BTBD2: variants seen among roughly 807,000 people sequenced by gnomAD.
The protein encoded by BTBD2 is BTB/POZ domain-containing protein 2.
BTBD2 carries 15 observed loss-of-function variants against 44.0 expected under a neutral mutation model. The observed-to-expected ratio is 0.34, with a 90% CI of 0.23 to 0.53. The LOEUF (loss-of-function observed/expected upper bound fraction) is 0.53. Among genes scored for constraint, BTBD2 ranks in the 20% least tolerant of loss-of-function variants. The pLI, the probability that BTBD2 is intolerant of heterozygous loss-of-function variation, is 0.95. For synonymous variants in BTBD2, 443 were observed against 335.9 expected, an observed-to-expected ratio of 1.32 and a Z score of -3.49; for missense variants, 657 against 746.4, an observed-to-expected ratio of 0.88 and a Z score of 1.39.
chr19:2,011,277 C>G (rs900516249), intron 1 of BTBD2, among the ~76,000 whole-genome samples: 1 of 152,152 alleles, frequency 6.6e-6, no homozygotes, highest in Non-Finnish European at 1.5e-5. Context: ...AGAGGACCTG[C>G]ATCCTCTACC....
chr19:2,008,632 C>G (rs925055698), intron 1 of BTBD2, among the ~76,000 whole-genome samples: 4 of 144,532 alleles, frequency 2.8e-5, no homozygotes, highest in Non-Finnish European at 6.0e-5. Context: ...CACTCTATCG[C>G]CCAGGATGGA....
chr19:1,989,868 G>T, intron 5 of BTBD2, 136 bp downstream of exon 5: 1 of 1,031,996 alleles, frequency 9.7e-7, no homozygotes, highest in South Asian at 1.6e-5. Flanking sequence ...CACAAGCCAG[G>T]TTTCTTCCTA....
rs1188610551 is a variant in BTBD2, at chr19:1,986,706, T to G, written c.1417-57A>C. On this transcript the variant is annotated intron_variant, in intron 8 of 8. Transcript: ENST00000255608. The stretch of plus-strand genomic sequence containing the variant: ...GACCACCAGGCTGGGATGCCCCAGG[T>G]GTGGACAGGGCAAGGCCCCGACTGG... The G allele has an allele frequency of 2.9e-5, 46 of 1,599,130 alleles. 1 individual carries two copies. The South Asian group carries it at 5.1e-4, about 18-fold the overall frequency.
chr19:2,007,725 C>T (rs556699839), intron 1 of BTBD2, among the ~76,000 whole-genome samples: 101 of 152,250 alleles, frequency 6.6e-4, no homozygotes, highest in African/African-American at 2.4e-3. Flanking sequence ...ACTCGGGAGG[C>T]TGAGGCAAGA....
Position 1,986,387 on chromosome 19 carries a change from A to G in BTBD2, c.*101T>C. 1 of 1,440,560 alleles carries G rather than the reference A, an allele frequency of 6.9e-7. No homozygotes were observed. Among genetic ancestry groups the G allele is most frequent in the Non-Finnish European group, 9.6e-7 (1 of 1,040,536 alleles). The allele number at this position is 1,440,560 out of a possible 1,614,324, so 89.2% of individuals were successfully genotyped here. ...GGAGTGGACAGACGGCCTGGGGGACACTGGGCCTGGCACCGCGTGGTGGGG... is the reference window on the plus strand; with the variant it reads ...GGAGTGGACAGACGGCCTGGGGGACGCTGGGCCTGGCACCGCGTGGTGGGG... On this transcript the variant is annotated 3_prime_UTR_variant, in exon 9 of 9. Transcript: ENST00000255608.
At chr19:2,000,739 C>T (rs2016318914) in intron 1 of BTBD2, among the ~76,000 whole-genome samples, 1 of 152,170 alleles carries the variant, frequency 6.6e-6, no homozygotes, top group South Asian at 2.1e-4. Flanking sequence ...AAAAACACAT[C>T]CACAATTGCT....
rs1297653469 is a variant in BTBD2 at position 1,987,763 on chromosome 19, C to T, written c.989-71G>A. ...GATCCCGAGTGCCTGGGAGGACACGCTCCTTCCCCCTAAGATGTCTGCGTC... is the reference window on the plus strand; with the variant it reads ...GATCCCGAGTGCCTGGGAGGACACGTTCCTTCCCCCTAAGATGTCTGCGTC... On this transcript the variant is annotated intron_variant, in intron 5 of 8. Transcript: ENST00000255608. The T allele has an allele frequency of 5.0e-6, 7 of 1,407,982 alleles. No individual in the cohort carries two copies. The Admixed American group carries it at 1.1e-4, about 23-fold the overall frequency. The allele number at this position is 1,407,982 out of a possible 1,614,324, so 87.2% of individuals were successfully genotyped here. A position where few individuals can be genotyped will look rare whatever the true frequency, so the allele number is the denominator to read the frequency against.
chr19:1,986,409 G>T lies in BTBD2; in HGVS notation c.*79C>A. The T allele has an allele frequency of 1.3e-6, 2 of 1,552,732 alleles. No individual in the cohort carries two copies. The highest frequency in any genetic ancestry group is 1.4e-5 in the African/African-American group (1 of 74,006). On this transcript the variant is annotated 3_prime_UTR_variant, in exon 9 of 9. Coordinates refer to ENST00000255608, the MANE Select transcript of BTBD2 (RefSeq NM_017797.4). ...GACACTGGGCCTGGCACCGCGTGGT[G>T]GGGGGGCCCCAGCAGCAGATGATGG...
At position 1,986,529 on chromosome 19, in the gene BTBD2, C is replaced by T. The variant is rs781748503; in HGVS notation, c.1537G>A (p.Val513Met). Residue 513 changes from valine to methionine, a missense_variant, in exon 9 of 9, where the codon GTG becomes ATG. Val to Met is a conservative substitution (Grantham distance 21). Coordinates refer to ENST00000255608, the MANE Select transcript of BTBD2 (RefSeq NM_017797.4). ...YAAGNNNGTS[V>M]EDGQIPEVIF... ...ACCTCGGGGATCTGGCCGTCCTCCA[C>T]GGATGTGCCATTGTTGTTCCCGGCC... The T allele has an allele frequency of 6.2e-6, 10 of 1,613,918 alleles. No individual in the cohort carries two copies. Among genetic ancestry groups the T allele is most frequent in the Admixed American group, 1.7e-5 (1 of 60,002 alleles).
chr19:1,995,768 C>T (rs1329931040), intron 2 of BTBD2, among the ~76,000 whole-genome samples: 1 of 151,838 alleles, frequency 6.6e-6, no homozygotes, highest in Non-Finnish European at 1.5e-5. Flanking sequence ...TCCCAAGTAG[C>T]TGCGACTACG....
At chr19:1,994,865 T>C (rs2016229885) in intron 2 of BTBD2, among the ~76,000 whole-genome samples, 1 of 152,256 alleles carries the variant, frequency 6.6e-6, no homozygotes, top group African/African-American at 2.4e-5. Flanking sequence ...ACATTTTCCC[T>C]AAGTCCAATG....
chr19:1,990,973 G>A (rs920207949), intron 3 of BTBD2, 151 bp from the exon 4 acceptor site: 13 of 678,348 alleles, frequency 1.9e-5, no homozygotes, highest in African/African-American at 8.9e-5. Flanking sequence ...CCACCAGGCC[G>A]GCCCTGTTGT....
intron 1 of BTBD2, among the ~76,000 whole-genome samples, chr19:2,000,852 A>C (rs1195636735): frequency 6.6e-6 from 1 of 152,186 alleles, no homozygotes; most frequent in Non-Finnish European, 1.5e-5. Context: ...AGCCACAAAC[A>C]GGAACGAGGC....
intron 5 of BTBD2, 167 bp downstream of exon 5, chr19:1,989,837 A>G: frequency 1.4e-6 from 1 of 731,826 alleles, no homozygotes; most frequent in Non-Finnish European, 2.2e-6. Context: ...GGGCTAACAG[A>G]TGGCCCTGTG....
chr19:2,013,241 C>T (rs973511519), intron 1 of BTBD2, among the ~76,000 whole-genome samples: 5 of 152,184 alleles, frequency 3.3e-5, no homozygotes, highest in East Asian at 1.9e-4. Flanking sequence ...CTCCAGTGCC[C>T]GCAGCAAGAA....
At chr19:2,012,437 C>A (rs371345188) in intron 1 of BTBD2, among the ~76,000 whole-genome samples, 103 of 152,186 alleles carry the variant, frequency 6.8e-4, no homozygotes, top group Non-Finnish European at 1.0e-3. Flanking sequence ...GGCGTGCGCC[C>A]CCGCACCCGG....
Position 2,015,190 on chromosome 19 carries a change from A to C in BTBD2, c.407+107T>G, listed in dbSNP as rs1398945118. On this transcript the variant is annotated intron_variant, in intron 1 of 8. Transcript: ENST00000255608. ...AGAGGGGTGCAGGGCTCGGGGATGGAGGGGTGCGGGGGTCTCGGGGACAGA... is the reference window on the plus strand; with the variant it reads ...AGAGGGGTGCAGGGCTCGGGGATGGCGGGGTGCGGGGGTCTCGGGGACAGA... 4 of 1,209,436 alleles carry C rather than the reference A, an allele frequency of 3.3e-6. No individual in the cohort carries two copies. In the African/African-American group the frequency reaches 8.5e-5, roughly 26 times the overall value. The allele number at this position is 1,209,436 out of a possible 1,614,324, so 74.9% of individuals were successfully genotyped here.
intron 2 of BTBD2, among the ~76,000 whole-genome samples, chr19:1,994,796 C>T (rs1030510157): frequency 6.6e-6 from 1 of 152,018 alleles, no homozygotes; most frequent in Non-Finnish European, 1.5e-5. Flanking sequence ...TTTTTCTCTC[C>T]CAGCCTGTGG....
intron 2 of BTBD2, among the ~76,000 whole-genome samples, chr19:1,994,155 A>C (rs944748310): frequency 2.6e-5 from 4 of 151,434 alleles, no homozygotes; most frequent in African/African-American, 4.9e-5. Context: ...CCCTCTACTA[A>C]AAATACAAAA....
Sources: gnomAD v4.1 joint callset for allele counts (sites outside exome capture counted in the v4.1 genomes callset) on GRCh38, gnomAD v4.1.1 for gene constraint, MANE v1.5 for transcripts, NCBI Gene and HGNC (gene_info 2026-07-23, HGNC 2026-07-21) for gene names.